TESK2: variants seen among roughly 807,000 people sequenced by gnomAD.
The protein encoded by TESK2 is dual specificity testis-specific protein kinase 2.
TESK2 carries 39 observed loss-of-function variants against 57.1 expected under a neutral mutation model. The ratio of observed to expected loss-of-function variants is 0.68; its 90% CI spans 0.53 to 0.89. The LOEUF is 0.89. Ranked by LOEUF, TESK2 falls within the 40% of genes least tolerant of loss-of-function variation. The probability of loss-of-function intolerance (pLI) is 0.00; values close to 1 mark genes in which losing one functional copy is unlikely to be tolerated. For synonymous variants in TESK2, 249 were observed against 267.9 expected, an observed-to-expected ratio of 0.93 and a Z score of 0.69; for missense variants, 646 against 732.1, an observed-to-expected ratio of 0.88 and a Z score of 1.36.
intron 4 of TESK2, among the ~76,000 whole-genome samples, chr1:45,376,678 T>C (rs1034875062): frequency 3.3e-5 from 5 of 152,096 alleles, no homozygotes; most frequent in Non-Finnish European, 7.4e-5. Flanking sequence ...GAGACTTAGT[T>C]CCATTAGAGA....
intron 3 of TESK2, chr1:45,413,794 G>C (rs933833537): frequency 4.4e-6 from 2 of 455,698 alleles, no homozygotes; most frequent in Non-Finnish European, 8.8e-6. Context: ...TGTAATCCTA[G>C]GGTTCCAAGA....
In TESK2 at chr1:45,481,245, G is replaced by C. The variant is rs1653209942; in HGVS notation, c.-87+9607C>G. Among the ~76,000 whole-genome samples, 3 of 151,114 alleles carry C rather than the reference G, an allele frequency of 2.0e-5. No individual in the cohort carries two copies. The South Asian group carries it at 6.3e-4, about 32-fold the overall frequency. On this transcript the variant is annotated intron_variant, in intron 1 of 10. Transcript: ENST00000372086. ...CCAGGCGTGGTAGCAGGCGCCTGTAGTCCCAGCTACTCGGGAGGCTGAGGC... is the reference window on the plus strand; with the variant it reads ...CCAGGCGTGGTAGCAGGCGCCTGTACTCCCAGCTACTCGGGAGGCTGAGGC...
intron 2 of TESK2, among the ~76,000 whole-genome samples, chr1:45,457,243 T>C (rs1245839036): frequency 6.6e-6 from 1 of 152,148 alleles, no homozygotes; most frequent in East Asian, 1.9e-4. Flanking sequence ...AGTCCAGAAG[T>C]ATACATACTG....
intron 2 of TESK2, among the ~76,000 whole-genome samples, chr1:45,429,221 A>T (rs1650845963): frequency 6.6e-6 from 1 of 152,128 alleles, no homozygotes; most frequent in African/African-American, 2.4e-5. Context: ...CAATATGGGG[A>T]AAACCCATCT....
intron 4 of TESK2, among the ~76,000 whole-genome samples, chr1:45,381,894 C>G (rs1250338606): frequency 1.7e-5 from 2 of 116,254 alleles, no homozygotes; most frequent in African/African-American, 6.8e-5. Flanking sequence ...TAAGAGGTCT[C>G]TCTCTGTTGC....
At chr1:45,440,054 C>A (rs917788244) in intron 2 of TESK2, among the ~76,000 whole-genome samples, 1 of 151,796 alleles carries the variant, frequency 6.6e-6, no homozygotes, top group Non-Finnish European at 1.5e-5. Flanking sequence ...CTGCCTCAAG[C>A]GATTCCCATT....
chr1:45,345,089 G>A lies in TESK2; in HGVS notation c.1467C>T (p.Leu489=). 1 of 1,614,198 alleles carries A rather than the reference G, an allele frequency of 6.2e-7. No homozygotes were observed. Among genetic ancestry groups the A allele is most frequent in the Middle Eastern group, 1.6e-4 (1 of 6,062 alleles). ...SDGPPPRLSS[L]KYRVKEIPPF... ...GTGGGATCTCTTTAACTCTGTACTT[G>A]AGACTACTTAGGCGTGGTGGGGGCC... Residue 489 remains leucine (L), a synonymous_variant, in exon 11 of 11, where the codon CTC becomes CTT. Coordinates refer to ENST00000372086, the MANE Select transcript of TESK2 (RefSeq NM_007170.3).
intron 1 of TESK2, among the ~76,000 whole-genome samples, chr1:45,471,616 C>T (rs1652766616): frequency 6.6e-6 from 1 of 151,940 alleles, no homozygotes; most frequent in Non-Finnish European, 1.5e-5. Flanking sequence ...CTATGTTGGC[C>T]AGGATGGTCT....
chr1:45,367,821 C>T lies in TESK2; in HGVS notation c.394-12372G>A, dbSNP rs1445847712. ...TACAGGTGCCTCCCACCACGCCCAG[C>T]TAATTTTTTGTATTTTTAGTAGAGA... On this transcript the variant is annotated intron_variant, in intron 4 of 10. Coordinates refer to ENST00000372086, the MANE Select transcript of TESK2 (RefSeq NM_007170.3). Among the ~76,000 whole-genome samples the T allele has an allele frequency of 9.4e-5, 14 of 149,634 alleles. No individual in the cohort carries two copies. The South Asian group carries it at 1.3e-3, about 14-fold the overall frequency.
In TESK2 at chr1:45,491,080, T is replaced by C. The variant is rs1056639866; in HGVS notation, c.-315A>G. 1 of 152,198 alleles carries C rather than the reference T, an allele frequency of 6.6e-6. No individual in the cohort carries two copies. The highest frequency in any genetic ancestry group is 1.5e-5 in the Non-Finnish European group (1 of 68,076). The allele number at this position is 152,198 out of a possible 1,614,324, so 9.4% of individuals were successfully genotyped here. A position where few individuals can be genotyped will look rare whatever the true frequency, so the allele number is the denominator to read the frequency against. On this transcript the variant is annotated 5_prime_UTR_variant, in exon 1 of 11. Coordinates refer to ENST00000372086, the MANE Select transcript of TESK2 (RefSeq NM_007170.3). ...CACAGTCGGGGCCGCTCCCCCCGCC[T>C]GTTTGGCGGGGCCAGGAGGACGATC...
intron 4 of TESK2, among the ~76,000 whole-genome samples, chr1:45,383,004 T>C (rs1011697718): frequency 1.2e-4 from 18 of 152,244 alleles, no homozygotes; most frequent in African/African-American, 4.3e-4. Flanking sequence ...CCCAGGAAAG[T>C]CCAGATCACT....
At chr1:45,357,904 T>C (rs941809478) in intron 4 of TESK2, among the ~76,000 whole-genome samples, 28 of 148,144 alleles carry the variant, frequency 1.9e-4, no homozygotes, top group Non-Finnish European at 2.8e-4. Context: ...CTCGAGAGGA[T>C]GAGGCAGGAG....
intron 1 of TESK2, among the ~76,000 whole-genome samples, chr1:45,479,121 A>G (rs970016294): frequency 6.6e-6 from 1 of 152,188 alleles, no homozygotes; most frequent in Admixed American, 6.6e-5. Flanking sequence ...AATATGCATT[A>G]CTTTTATAAT....
At chr1:45,394,487 C>T (rs909600539) in intron 3 of TESK2, among the ~76,000 whole-genome samples, 2 of 150,746 alleles carry the variant, frequency 1.3e-5, no homozygotes, top group African/African-American at 2.5e-5. Flanking sequence ...TGGAAACAAA[C>T]CCATGAAGGA....
At chr1:45,419,320 C>G (rs1650370485) in intron 3 of TESK2, among the ~76,000 whole-genome samples, 2 of 152,144 alleles carry the variant, frequency 1.3e-5, no homozygotes, top group African/African-American at 4.8e-5. Flanking sequence ...CTCATTTGAA[C>G]TCCTAAGGCA....
In TESK2 at chr1:45,347,029, C is replaced by T. The variant is rs778139663; in HGVS notation, c.742G>A (p.Glu248Lys). Reference sequence around the variant, plus strand: ...TCGGCCTGGATGCGGGCGATGATCTCGCAGAGGATGATACCATAAGAGAAC... The same window carrying T: ...TCGGCCTGGATGCGGGCGATGATCTTGCAGAGGATGATACCATAAGAGAAC... ...DVFSYGIILC[E>K]IIARIQADPD... is the part of the protein sequence containing the mutation. The change falls in exon 8 of 11, where the codon GAG becomes AAG. Residue 248 changes from glutamate (E) to lysine (K), a missense_variant. Glu to Lys is a moderately conservative substitution (Grantham distance 56). Coordinates refer to ENST00000372086, the MANE Select transcript of TESK2 (RefSeq NM_007170.3). 1.2e-6 allele frequency: 2 copies of T among 1,614,186 alleles called. No homozygotes were observed. The highest frequency in any genetic ancestry group is 1.7e-6 in the Non-Finnish European group (2 of 1,180,044).
intron 1 of TESK2, among the ~76,000 whole-genome samples, chr1:45,468,232 C>A (rs1236377438): frequency 1.3e-5 from 2 of 151,224 alleles, no homozygotes; most frequent in Admixed American, 1.3e-4. Context: ...AGTGTAGAGA[C>A]CCTATCACAT....
intron 3 of TESK2, among the ~76,000 whole-genome samples, chr1:45,413,070 G>A (rs1203122235): frequency 6.6e-6 from 1 of 152,112 alleles, no homozygotes; most frequent in African/African-American, 2.4e-5. Context: ...GGAAGTGAGT[G>A]GGGCATAGAA....
chr1:45,347,005 C>G lies in TESK2; in HGVS notation c.766G>C (p.Asp256His). 1 of 1,614,182 alleles carries G rather than the reference C, an allele frequency of 6.2e-7. No homozygotes were observed. The highest frequency in any genetic ancestry group is 1.3e-5 in the African/African-American group (1 of 75,048). The change falls in exon 8 of 11, where the codon GAT (aspartate) becomes CAT (histidine). Residue 256 changes from aspartate to histidine, a missense_variant. Coordinates refer to ENST00000372086, the MANE Select transcript of TESK2 (RefSeq NM_007170.3). Reference sequence around the variant, plus strand: ...TCTGTGCGGGGAAGATAGTCCGGATCGGCCTGGATGCGGGCGATGATCTCG... The same window carrying G: ...TCTGTGCGGGGAAGATAGTCCGGATGGGCCTGGATGCGGGCGATGATCTCG... The part of the protein sequence containing the change: ...LCEIIARIQA[D>H]PDYLPRTENF...
Sources: allele counts gnomAD v4.1 joint callset (sites outside exome capture counted in the v4.1 genomes callset), GRCh38; gene constraint gnomAD v4.1.1; transcripts MANE v1.5; gene names NCBI Gene and HGNC (gene_info 2026-07-23, HGNC 2026-07-21).